Variants in CAMSAP1 observed in about 807,000 individuals in gnomAD.
The protein encoded by CAMSAP1 is calmodulin-regulated spectrin-associated protein 1.
Under a neutral mutation model 143.5 loss-of-function variants are expected in CAMSAP1, and 58 were observed. The observed-to-expected ratio is 0.40, with a 90% CI of 0.33 to 0.50. The LOEUF is 0.50. Among genes scored for constraint, CAMSAP1 ranks in the 20% least tolerant of loss-of-function variants. The pLI is 0.45. For missense variants in CAMSAP1, 1,969 were observed against 2,115.7 expected (o/e 0.93, Z 1.36); for synonymous variants, 945 against 859.3 (o/e 1.10, Z -1.74).
At chr9:135,881,441 G>T (rs367708743) in intron 3 of CAMSAP1, among the ~76,000 whole-genome samples, 192 bp downstream of exon 3, 1 of 151,890 alleles carries the variant, frequency 6.6e-6, no homozygotes, top group Admixed American at 6.6e-5. Context: ...CTCTACTCTC[G>T]GCCTGCGGGA....
At chr9:135,858,481 AC>A in intron 5 of CAMSAP1, among the ~76,000 whole-genome samples, 1 of 152,074 alleles carries the variant, frequency 6.6e-6, no homozygotes, top group African/African-American at 2.4e-5. Context: ...AAGTCCCACT[AC>A]TCTTTCCCCT....
intron 16 of CAMSAP1, among the ~76,000 whole-genome samples, chr9:135,812,886 G>A (rs1206033548): frequency 6.6e-6 from 1 of 151,986 alleles, no homozygotes; most frequent in African/African-American, 2.4e-5. Flanking sequence ...GTCTGGAGGG[G>A]TGGAGGTTGC....
Position 135,822,887 on chromosome 9 carries a change from A to G in CAMSAP1, c.1774T>C (p.Leu592=). 1 of 1,613,842 alleles carries G rather than the reference A, an allele frequency of 6.2e-7. No homozygotes were observed. The highest frequency in any genetic ancestry group is 1.3e-5 in the African/African-American group (1 of 75,004). ...AGAACTGCTGGCATCAAAGGCTCCA[A>G]GAAAAAACTGTCAGGCTTACTTTCC... ...TSESKPDSFF[L]EPLMPAVLKP... Residue 592 remains leucine (L), a synonymous_variant, in exon 11 of 17, where the codon TTG becomes CTG. Coordinates refer to ENST00000389532, the MANE Select transcript of CAMSAP1 (RefSeq NM_015447.4). This position sits in a 1 kb window ranked among gnomAD's most constrained non-coding sequence, Gnocchi z 6.1.
At chr9:135,872,633 G>C (rs1007084354) in intron 3 of CAMSAP1, among the ~76,000 whole-genome samples, 1 of 152,114 alleles carries the variant, frequency 6.6e-6, no homozygotes, top group Admixed American at 6.5e-5. Context: ...TAAAGAGAAA[G>C]ACAACAAGAG....
intron 1 of CAMSAP1, among the ~76,000 whole-genome samples, chr9:135,895,102 A>G (rs917216231): frequency 6.6e-6 from 1 of 152,226 alleles, no homozygotes; most frequent in African/African-American, 2.4e-5. Flanking sequence ...CAGAGCCTCC[A>G]AGACCTGCGG....
At chr9:135,906,424 G>C (rs746455919) in intron 1 of CAMSAP1, among the ~76,000 whole-genome samples, 27 of 152,366 alleles carry the variant, frequency 1.8e-4, no homozygotes, top group East Asian at 5.8e-4. Flanking sequence ...AAGCACATTA[G>C]GGCCTAACAA....
chr9:135,895,693 C>T (rs968576865), intron 1 of CAMSAP1, among the ~76,000 whole-genome samples: 2 of 151,942 alleles, frequency 1.3e-5, no homozygotes, highest in African/African-American at 2.4e-5. Context: ...AAATTACATA[C>T]GATGACAAAA....
chr9:135,865,283 C>T (rs1363979922), intron 4 of CAMSAP1: 8 of 1,542,500 alleles, frequency 5.2e-6, no homozygotes, highest in East Asian at 4.9e-5. Context: ...CAAGTGATCG[C>T]GACAGGATGG....
intron 7 of CAMSAP1, among the ~76,000 whole-genome samples, chr9:135,837,124 G>A (rs969289561): frequency 1.5e-5 from 2 of 129,042 alleles, no homozygotes; most frequent in Non-Finnish European, 3.2e-5. Context: ...CACCACGGAC[G>A]TTCTACAGAC....
At position 135,882,806 on chromosome 9, in the gene CAMSAP1, G is replaced by C. The variant is rs1442502316; in HGVS notation, c.423+10C>G. 1.9e-6 allele frequency: 3 copies of C among 1,547,038 alleles called. No homozygotes were observed. Among genetic ancestry groups the C allele is most frequent in the Admixed American group, 2.0e-5 (1 of 50,978 alleles). On this transcript the variant is annotated intron_variant, in intron 2 of 16. Transcript: ENST00000389532. This position sits in a 1 kb window ranked among gnomAD's most constrained non-coding sequence, Gnocchi z 4.9. ...ATGGCCCCTGGGGGCGGCCACCGCAGACCACTCACCATTTTTATGGGTGCG... is the reference window on the plus strand; with the variant it reads ...ATGGCCCCTGGGGGCGGCCACCGCACACCACTCACCATTTTTATGGGTGCG...
rs1281944357 is a variant in CAMSAP1, at chr9:135,882,995, G to T, written c.244C>A (p.Leu82Ile). ...CGGCAGTACAGCTCGCTGGACAGGA[G>T]AAGCTTGATAACAGGCGGCTTAATG... ...EHIKPPVIKLLLSSELYCRVC... is the reference protein window; with the variant it reads ...EHIKPPVIKLILSSELYCRVC... The change falls in exon 2 of 17, where the codon CTC becomes ATC. Residue 82 changes from leucine (L) to isoleucine (I), a missense_variant. Around this residue, in one of 4 missense-constraint regions of CAMSAP1, gnomAD observed 215 missense variants for 196.2 expected, o/e 1.10. Transcript: ENST00000389532. The surrounding 1 kb of genome is among the most constrained non-coding windows in gnomAD (Gnocchi z 4.9). 1 of 1,551,620 alleles carries T rather than the reference G, an allele frequency of 6.4e-7. No homozygotes were observed. The highest frequency in any genetic ancestry group is 8.7e-7 in the Non-Finnish European group (1 of 1,147,014).
At chr9:135,877,049 C>A (rs1403367483) in intron 3 of CAMSAP1, among the ~76,000 whole-genome samples, 1 of 151,816 alleles carries the variant, frequency 6.6e-6, no homozygotes, top group East Asian at 1.9e-4. Flanking sequence ...CACAAATGTC[C>A]CTAGTAGCTT....
intron 7 of CAMSAP1, among the ~76,000 whole-genome samples, chr9:135,844,019 C>T (rs1264321876): frequency 6.6e-6 from 1 of 151,878 alleles, no homozygotes; most frequent in Admixed American, 6.6e-5. Context: ...GAGACTTTAA[C>T]ACCCCACTGT....
intron 1 of CAMSAP1, among the ~76,000 whole-genome samples, chr9:135,896,505 C>T (rs895743451): frequency 1.3e-5 from 2 of 152,144 alleles, no homozygotes; most frequent in Admixed American, 6.5e-5. Context: ...TAAATCAGAA[C>T]ACAACCAACT....
At chr9:135,814,591 G>C (rs763144526) in intron 16 of CAMSAP1, among the ~76,000 whole-genome samples, 1 of 152,144 alleles carries the variant, frequency 6.6e-6, no homozygotes, top group Non-Finnish European at 1.5e-5. Context: ...CACGCTCAGC[G>C]GGTGCGCGCC....
intron 7 of CAMSAP1, among the ~76,000 whole-genome samples, chr9:135,844,377 G>A (rs188871177): frequency 5.9e-5 from 9 of 152,280 alleles, no homozygotes; most frequent in Admixed American, 3.3e-4. Context: ...AATTAAGGCA[G>A]AAATAAAGAA....
chr9:135,814,116 G>A (rs180999868), intron 16 of CAMSAP1, among the ~76,000 whole-genome samples: 4 of 152,306 alleles, frequency 2.6e-5, no homozygotes, highest in African/African-American at 4.8e-5. Context: ...CCACCTCTCC[G>A]TGTGGAAATC....
intron 7 of CAMSAP1, among the ~76,000 whole-genome samples, chr9:135,846,094 C>T (rs941133959): frequency 1.2e-5 from 1 of 80,992 alleles, no homozygotes; most frequent in African/African-American, 5.3e-5. Context: ...AAAAAAAAAA[C>T]GAAGCTGGAG....
chr9:135,819,932 C>CT (rs1453691747), intron 11 of CAMSAP1, among the ~76,000 whole-genome samples: 1 of 152,164 alleles, frequency 6.6e-6, no homozygotes, highest in South Asian at 2.1e-4. Flanking sequence ...TAAAGCTTGC[C>CT]TCTTTTGCTA....
Sources: allele counts gnomAD v4.1 joint callset (sites outside exome capture counted in the v4.1 genomes callset), GRCh38; gene constraint gnomAD v4.1.1; regional missense constraint gnomAD v4.1.1; non-coding constraint Gnocchi (gnomAD v3.1); transcripts MANE v1.5; gene names NCBI Gene and HGNC (gene_info 2026-07-23, HGNC 2026-07-21).